Variants in GPC5 observed in about 807,000 individuals in gnomAD.
The protein encoded by GPC5 is glypican 5, also known as glypican-5.
In GPC5, 47 loss-of-function variants were observed where a neutral mutation model predicts 53.9. The ratio of observed to expected loss-of-function variants is 0.87; its 90% CI spans 0.69 to 1.11. The LOEUF is 1.11. GPC5 is among the 50% of genes most tolerant of loss of function. The pLI, the probability that GPC5 is intolerant of heterozygous loss-of-function variation, is 0.00. For missense variants in GPC5, 748 were observed against 713.1 expected (o/e 1.05, Z -0.56); for synonymous variants, 286 against 263.3 (o/e 1.09, Z -0.84).
At chr13:91,978,075 A>G (rs1052093743) in intron 6 of GPC5, among the ~76,000 whole-genome samples, 1 of 152,138 alleles carries the variant, frequency 6.6e-6, no homozygotes, top group African/African-American at 2.4e-5. Context: ...ATATAGCTTG[A>G]GCCCAGGAGG....
At chr13:92,495,360 C>A (rs1345918514) in intron 7 of GPC5, among the ~76,000 whole-genome samples, 31 of 152,144 alleles carry the variant, frequency 2.0e-4, no homozygotes, top group Admixed American at 2.0e-3. Flanking sequence ...ACAATGATGT[C>A]TTTTCCTCCC....
intron 7 of GPC5, among the ~76,000 whole-genome samples, chr13:92,624,130 A>G (rs1884970840): frequency 6.7e-6 from 1 of 149,900 alleles, no homozygotes; most frequent in Admixed American, 6.7e-5. Context: ...GGTGGAGTGC[A>G]GTGGCTCAAT....
At chr13:91,746,550 C>T (rs1419267188) in intron 4 of GPC5, among the ~76,000 whole-genome samples, 2 of 152,068 alleles carry the variant, frequency 1.3e-5, no homozygotes, top group Admixed American at 1.3e-4. Context: ...TAAAATGAAA[C>T]AAGTTCCTGT....
chr13:91,459,038 A>G (rs947419483), intron 2 of GPC5, among the ~76,000 whole-genome samples: 5 of 151,762 alleles, frequency 3.3e-5, no homozygotes, highest in African/African-American at 9.7e-5. Context: ...GAATGATACA[A>G]TGGACTTTGG....
chr13:92,297,395 ACT>A (rs1172660568), intron 7 of GPC5, among the ~76,000 whole-genome samples: 2 of 139,444 alleles, frequency 1.4e-5, no homozygotes, highest in Admixed American at 1.4e-4. Flanking sequence ...ACCAATCGAC[ACT>A]CTGTATCCAG....
At chr13:92,411,872 G>A (rs1594179418) in intron 7 of GPC5, among the ~76,000 whole-genome samples, 4 of 147,722 alleles carry the variant, frequency 2.7e-5, no homozygotes, top group East Asian at 4.8e-4. Context: ...TCCATTTACC[G>A]TTATCTTTCT....
At chr13:92,602,422 T>C (rs1180934670) in intron 7 of GPC5, among the ~76,000 whole-genome samples, 1 of 151,778 alleles carries the variant, frequency 6.6e-6, no homozygotes, top group African/African-American at 2.4e-5. Flanking sequence ...GACTTAGAGC[T>C]CTGTTGATTG....
rs1884036150 is a variant in GPC5 at position 92,601,123 on chromosome 13, A to G, written c.1562-265159A>G. ...GACATTTTTTAACTTCTGGTTTTTAATTTTAACCTGTAGCATTTTGAAAAA... is the reference window on the plus strand; with the variant it reads ...GACATTTTTTAACTTCTGGTTTTTAGTTTTAACCTGTAGCATTTTGAAAAA... On this transcript the variant is annotated intron_variant, in intron 7 of 7. Coordinates refer to ENST00000377067, the MANE Select transcript of GPC5 (RefSeq NM_004466.6). 2.0e-5 allele frequency among the ~76,000 whole-genome samples: 3 copies of G among 152,152 alleles called. No homozygotes were observed. In the South Asian group the frequency reaches 6.2e-4, roughly 31 times the overall value.
At chr13:91,414,700 G>A in intron 1 of GPC5, among the ~76,000 whole-genome samples, 1 of 152,162 alleles carries the variant, frequency 6.6e-6, no homozygotes, top group South Asian at 2.1e-4. Context: ...AGAGTGATTT[G>A]CTTCACGTAA....
At position 91,444,964 on chromosome 13, in the gene GPC5, G is replaced by A. The variant is rs144808093; in HGVS notation, c.164-3797G>A. Among the ~76,000 whole-genome samples the A allele has an allele frequency of 2.6e-3, 401 of 152,268 alleles. 1 individual carries two copies. Among genetic ancestry groups the A allele is most frequent in the African/African-American group, 9.0e-3 (376 of 41,556 alleles). ...CTGCTGTCAGTCAGAACATGTTTCT[G>A]TTCATGTCTTCCACCCACAAATTGA... is the stretch of plus-strand genomic sequence containing the variant. On this transcript the variant is annotated intron_variant, in intron 1 of 7. Transcript: ENST00000377067.
intron 6 of GPC5, among the ~76,000 whole-genome samples, chr13:92,026,076 G>T (rs1470531879): frequency 1.3e-5 from 2 of 152,216 alleles, no homozygotes; most frequent in African/African-American, 2.4e-5. Context: ...AAAAATGATT[G>T]CTTTTAAGTA....
intron 7 of GPC5, among the ~76,000 whole-genome samples, chr13:92,336,789 C>G (rs1224125926): frequency 6.6e-6 from 1 of 152,132 alleles, no homozygotes; most frequent in Non-Finnish European, 1.5e-5. Flanking sequence ...TGAATGCAAT[C>G]AAAACCTAGA....
At chr13:91,408,135 G>C (rs1333533554) in intron 1 of GPC5, among the ~76,000 whole-genome samples, 2 of 152,206 alleles carry the variant, frequency 1.3e-5, no homozygotes, top group East Asian at 3.9e-4. Flanking sequence ...ACCATGCTAT[G>C]TAATAGGTCA....
At chr13:92,279,332 T>C (rs890667284) in intron 7 of GPC5, among the ~76,000 whole-genome samples, 1 of 152,066 alleles carries the variant, frequency 6.6e-6, no homozygotes, top group Non-Finnish European at 1.5e-5. Flanking sequence ...TCATTGCCAT[T>C]GTATATAAAC....
intron 4 of GPC5, among the ~76,000 whole-genome samples, chr13:91,744,042 C>CTG (rs10624535): frequency 1 from 151,540 of 152,178 alleles, 75,455 homozygotes; most frequent in Middle Eastern, 1. Flanking sequence ...ATAAGGAACA[C>CTG]TAACTTTGGG....
At chr13:91,853,146 TA>T (rs971699073) in intron 5 of GPC5, among the ~76,000 whole-genome samples, 11 of 152,220 alleles carry the variant, frequency 7.2e-5, no homozygotes, top group African/African-American at 2.6e-4. Context: ...ATGGAATTTT[TA>T]AAAAATTATA....
chr13:91,890,317 A>G (rs886426061), intron 5 of GPC5, among the ~76,000 whole-genome samples: 1 of 152,116 alleles, frequency 6.6e-6, no homozygotes, highest in African/African-American at 2.4e-5. Flanking sequence ...TTTATTTCTA[A>G]AATAAATGAC....
At chr13:92,401,416 C>A (rs1393123888) in intron 7 of GPC5, among the ~76,000 whole-genome samples, 1 of 151,970 alleles carries the variant, frequency 6.6e-6, no homozygotes, top group African/African-American at 2.4e-5. Context: ...GTATTTACTT[C>A]AATTCGATAA....
chr13:92,542,851 G>C (rs1483554579), intron 7 of GPC5, among the ~76,000 whole-genome samples: 1 of 151,946 alleles, frequency 6.6e-6, no homozygotes, highest in Non-Finnish European at 1.5e-5. Flanking sequence ...GGAATCTGCT[G>C]TTAGTCTATT....
Sources: gnomAD v4.1 joint callset for allele counts (sites outside exome capture counted in the v4.1 genomes callset) on GRCh38, gnomAD v4.1.1 for gene constraint, MANE v1.5 for transcripts, NCBI Gene and HGNC (gene_info 2026-07-23, HGNC 2026-07-21) for gene names.